The following STRIP2 variants were observed in gnomAD, a reference collection of about 807,000 sequenced individuals.
STRIP2 encodes the protein striatin interacting protein 2, also known as striatin-interacting protein 2.
In STRIP2, 84 loss-of-function variants were observed where a neutral mutation model predicts 107.1. The observed-to-expected ratio is 0.78, with a 90% confidence interval of 0.66 to 0.94. The LOEUF (loss-of-function observed/expected upper bound fraction) is 0.94, where lower values mean the gene tolerates loss of function less well. Ranked by LOEUF, STRIP2 falls within the 40% of genes least tolerant of loss-of-function variation. The probability of loss-of-function intolerance (pLI) is 0.00; values close to 1 mark genes in which losing one functional copy is unlikely to be tolerated. For synonymous variants in STRIP2, 394 were observed against 400.4 expected, an observed-to-expected ratio of 0.98 and a Z score of 0.19; for missense variants, 888 against 1,034.2, an observed-to-expected ratio of 0.86 and a Z score of 1.94.
At chr7:129,450,223 G>A (rs1798145758) in intron 3 of STRIP2, among the ~76,000 whole-genome samples, 1 of 152,012 alleles carries the variant, frequency 6.6e-6, no homozygotes. Context: ...AACCACTCCT[G>A]GTACCCAAAT....
At position 129,480,821 on chromosome 7, in the gene STRIP2, C is replaced by T. The variant is rs138192591; in HGVS notation, c.1981C>T (p.Leu661Phe). 1 of 1,613,910 alleles carries T rather than the reference C, an allele frequency of 6.2e-7. No individual in the cohort carries two copies. Among genetic ancestry groups the T allele is most frequent in the East Asian group, 2.2e-5 (1 of 44,864 alleles). Residue 661 changes from leucine (L) to phenylalanine (F), a missense_variant, in exon 19 of 21, where the codon CTC becomes TTC. Leu to Phe is a conservative substitution (Grantham distance 22). Transcript: ENST00000249344. ...CAACAGCCAGTTCTGCTGGAGGAAC[C>T]TCTTTTCCTGCATCAACCTCCTGAG... is the stretch of plus-strand genomic sequence containing the variant. ...GDNSQFCWRNLFSCINLLRLL... is the reference protein window; with the variant it reads ...GDNSQFCWRNFFSCINLLRLL...
intron 15 of STRIP2, 38 bp downstream of exon 15, chr7:129,464,179 T>C (rs765366835): frequency 6.8e-7 from 1 of 1,464,982 alleles, no homozygotes; most frequent in Non-Finnish European, 9.5e-7. Context: ...GGATACTAGC[T>C]GTCTTATCTG....
intron 18 of STRIP2, among the ~76,000 whole-genome samples, chr7:129,474,220 A>G (rs1052925224): frequency 4.6e-5 from 7 of 151,730 alleles, no homozygotes; most frequent in African/African-American, 1.5e-4. Context: ...AGCTCACTGC[A>G]GTCTTGACCT....
intron 16 of STRIP2, 133 bp from the exon 17 acceptor site, chr7:129,467,217 A>G: frequency 3.0e-6 from 2 of 667,294 alleles, no homozygotes; most frequent in Non-Finnish European, 5.1e-6. Flanking sequence ...CCAGACAGGA[A>G]GACTGATAAC....
chr7:129,446,745 C>T (rs1798046810), intron 3 of STRIP2, among the ~76,000 whole-genome samples: 1 of 152,184 alleles, frequency 6.6e-6, no homozygotes, highest in South Asian at 2.1e-4. Flanking sequence ...GCATTTGAGC[C>T]ACTTCCTCAT....
At chr7:129,456,736 T>C in intron 9 of STRIP2, 94 bp downstream of exon 9, 1 of 1,222,758 alleles carries the variant, frequency 8.2e-7, no homozygotes, top group Non-Finnish European at 1.1e-6. Context: ...AAGCAGTAAA[T>C]GACCCGGCTC....
intron 18 of STRIP2, among the ~76,000 whole-genome samples, chr7:129,476,821 G>C (rs1443808997): frequency 6.6e-6 from 1 of 152,154 alleles, no homozygotes; most frequent in Non-Finnish European, 1.5e-5. Flanking sequence ...GGCCAAGGCA[G>C]GCGGCTGGGA....
At chr7:129,460,475 A>G (rs760322655) in intron 13 of STRIP2, 103 bp downstream of exon 13, 1 of 960,890 alleles carries the variant, frequency 1.0e-6, no homozygotes, top group South Asian at 1.4e-5. Context: ...ATTAGGCTGT[A>G]ACTGTGTTCC....
chr7:129,482,379 T>A (rs867308040), intron 19 of STRIP2, among the ~76,000 whole-genome samples: 1,386 of 100,614 alleles, frequency 0.014, 5 homozygotes, highest in African/African-American at 0.036. Flanking sequence ...ATATATATAT[T>A]TTTTTTTTTT....
At chr7:129,464,548 T>C in intron 15 of STRIP2, 64 bp from the exon 16 acceptor site, 1 of 1,574,174 alleles carries the variant, frequency 6.4e-7, no homozygotes, top group Admixed American at 1.7e-5. Context: ...CCCAAATACC[T>C]GGATCCCTAC....
intron 1 of STRIP2, among the ~76,000 whole-genome samples, chr7:129,436,034 C>T (rs1003149504): frequency 2.6e-5 from 4 of 152,078 alleles, no homozygotes; most frequent in Non-Finnish European, 5.9e-5. Context: ...AGATGATACC[C>T]GCCACATCAT....
At chr7:129,447,769 C>T (rs1798076630) in intron 3 of STRIP2, among the ~76,000 whole-genome samples, 1 of 152,178 alleles carries the variant, frequency 6.6e-6, no homozygotes, top group Non-Finnish European at 1.5e-5. Flanking sequence ...TTAATTTGCT[C>T]GAGCAATGAA....
In STRIP2 at chr7:129,487,577, T is replaced by C. The variant is rs1167092307; in HGVS notation, c.*1748T>C. ...TAAAGTACCAGGATTTCTGTCTCTA[T>C]GGATAGGTCTTGGAGAATGTTAAGT... On this transcript the variant is annotated 3_prime_UTR_variant, in exon 21 of 21. Transcript: ENST00000249344. 1 of 152,250 alleles carries C rather than the reference T, an allele frequency of 6.6e-6. No homozygotes were observed. Among genetic ancestry groups the C allele is most frequent in the Non-Finnish European group, 1.5e-5 (1 of 68,042 alleles). The allele number at this position is 152,250 out of a possible 1,614,324, so 9.4% of individuals were successfully genotyped here.
At chr7:129,436,396 C>A (rs1416530034) in intron 1 of STRIP2, among the ~76,000 whole-genome samples, 8 of 152,234 alleles carry the variant, frequency 5.3e-5, no homozygotes, top group Non-Finnish European at 1.0e-4. Flanking sequence ...TCTGAGAGTA[C>A]AGTCCTTTGC....
In STRIP2 at chr7:129,486,996, C is replaced by CTTTTTTTTTTTTTTTTTTTT. The variant is rs544536095; in HGVS notation, c.*1182_*1201dup. Reference sequence around the variant, plus strand: ...TTTCTGATTTAGTTAGGATCATATGCTTTTTTTTTTTTTTTTTTTTTTTTT... The same window carrying CTTTTTTTTTTTTTTTTTTTT: ...TTTCTGATTTAGTTAGGATCATATGCTTTTTTTTTTTTTTTTTTTTTTTTTTTTTTTTTTTTTTTTTTTTT... On this transcript the variant is annotated 3_prime_UTR_variant, in exon 21 of 21. Coordinates refer to ENST00000249344, the MANE Select transcript of STRIP2 (RefSeq NM_020704.3). 1 of 53,168 alleles carries CTTTTTTTTTTTTTTTTTTTT rather than the reference C, an allele frequency of 1.9e-5. No individual in the cohort carries two copies. The highest frequency in any genetic ancestry group is 8.2e-5 in the African/African-American group (1 of 12,200). The allele number at this position is 53,168 out of a possible 1,614,324, so 3.3% of individuals were successfully genotyped here.
intron 3 of STRIP2, among the ~76,000 whole-genome samples, chr7:129,449,421 A>G (rs1052993915): frequency 1.3e-5 from 2 of 152,152 alleles, no homozygotes; most frequent in Non-Finnish European, 2.9e-5. Context: ...AGGAGAAGCA[A>G]TATTATCTTG....
At chr7:129,453,147 T>C (rs990573838) in intron 4 of STRIP2, 80 bp from the exon 5 acceptor site, 9 of 1,580,458 alleles carry the variant, frequency 5.7e-6, no homozygotes, top group Non-Finnish European at 6.9e-6. Flanking sequence ...TATAGGAAAA[T>C]CTTAAGATCA....
chr7:129,462,142 A>C (rs2151005594), intron 13 of STRIP2, among the ~76,000 whole-genome samples: 1 of 152,260 alleles, frequency 6.6e-6, no homozygotes, highest in South Asian at 2.1e-4. Flanking sequence ...GTTTGAGGAG[A>C]GAGAAGATGG....
At chr7:129,436,746 T>G (rs937518424) in intron 1 of STRIP2, among the ~76,000 whole-genome samples, 1 of 152,100 alleles carries the variant, frequency 6.6e-6, no homozygotes, top group Non-Finnish European at 1.5e-5. Flanking sequence ...TTTTAGAAAA[T>G]CACTAGAAGA....
Sources: allele counts gnomAD v4.1 joint callset (sites outside exome capture counted in the v4.1 genomes callset), GRCh38; gene constraint gnomAD v4.1.1; transcripts MANE v1.5; gene names NCBI Gene and HGNC (gene_info 2026-07-23, HGNC 2026-07-21).